Variants in RGS7 observed in about 807,000 individuals in gnomAD.
The protein encoded by RGS7 is regulator of G protein signaling 7, also known as regulator of G-protein signaling 7.
A neutral mutation model predicts 81.1 loss-of-function variants in RGS7; 27 were observed. The observed-to-expected ratio is 0.33, with a 90% CI of 0.25 to 0.46. The LOEUF (loss-of-function observed/expected upper bound fraction) is 0.46, where lower values mean the gene tolerates loss of function less well. RGS7 is among the 20% of genes least tolerant of loss of function. The pLI, the probability that RGS7 is intolerant of heterozygous loss-of-function variation, is 1.00. For synonymous variants in RGS7, 208 were observed against 207.7 expected (o/e 1.00, Z -0.01); for missense variants, 396 against 607.4 (o/e 0.65, Z 3.66).
intron 3 of RGS7, among the ~76,000 whole-genome samples, chr1:241,070,055 GGAT>G (rs1185899328): frequency 6.6e-6 from 1 of 152,164 alleles, no homozygotes; most frequent in Non-Finnish European, 1.5e-5. Flanking sequence ...CCTCTGCCTA[GGAT>G]GACACCTCAT....
At chr1:240,951,319 C>G (rs970371619) in intron 4 of RGS7, among the ~76,000 whole-genome samples, 4 of 152,012 alleles carry the variant, frequency 2.6e-5, no homozygotes, top group African/African-American at 9.7e-5. Flanking sequence ...TCGAATATGA[C>G]ACAGAAATTG....
intron 6 of RGS7, among the ~76,000 whole-genome samples, chr1:240,883,492 A>G (rs1449072257): frequency 1.3e-5 from 2 of 152,006 alleles, no homozygotes; most frequent in Non-Finnish European, 2.9e-5. Context: ...TCTCCTTTAA[A>G]CCTCACATTA....
intron 3 of RGS7, among the ~76,000 whole-genome samples, chr1:241,095,272 G>A (rs559166239): frequency 6.6e-6 from 1 of 152,240 alleles, no homozygotes; most frequent in East Asian, 1.9e-4. Context: ...ATCTGGGGGT[G>A]GGTCCAGATA....
At chr1:241,139,004 T>C (rs2067723402) in intron 2 of RGS7, among the ~76,000 whole-genome samples, 1 of 152,152 alleles carries the variant, frequency 6.6e-6, no homozygotes, top group Non-Finnish European at 1.5e-5. Context: ...GTCTCAAAAT[T>C]CTGTCACTAC....
At chr1:241,356,733 G>A (rs1359738012) in intron 1 of RGS7, among the ~76,000 whole-genome samples, 166 bp downstream of exon 1, 1 of 150,186 alleles carries the variant, frequency 6.7e-6, no homozygotes, top group African/African-American at 2.4e-5. Flanking sequence ...CGTGGACCGC[G>A]GGGTGCGCGC....
At chr1:240,895,002 T>C (rs544089272) in intron 6 of RGS7, among the ~76,000 whole-genome samples, 6 of 152,312 alleles carry the variant, frequency 3.9e-5, no homozygotes, top group South Asian at 2.1e-4. Context: ...GTTTGGACCA[T>C]GAGGATGGAA....
rs148452299 is a variant in RGS7 at position 240,861,318 on chromosome 1, G to A, written c.609+7269C>T. ...CTGCTTAAGCATTTTTATCCGTGAC[G>A]TCTTTGTTGAATGCTTGGCATGCAT... On this transcript the variant is annotated intron_variant, in intron 9 of 18. Coordinates refer to ENST00000440928, the MANE Select transcript of RGS7 (RefSeq NM_001364886.1). Among the ~76,000 whole-genome samples the A allele has an allele frequency of 7.3e-4, 111 of 152,174 alleles. 2 individuals are homozygous for A. In the East Asian group the frequency reaches 0.019, roughly 26 times the overall value.
At chr1:241,251,183 G>T (rs2148213301) in intron 2 of RGS7, among the ~76,000 whole-genome samples, 1 of 152,266 alleles carries the variant, frequency 6.6e-6, no homozygotes, top group East Asian at 1.9e-4. Flanking sequence ...ACTACCAGTG[G>T]CATAGATACA....
chr1:240,969,308 G>T (rs1682835463), intron 4 of RGS7, among the ~76,000 whole-genome samples: 1 of 152,186 alleles, frequency 6.6e-6, no homozygotes, highest in African/African-American at 2.4e-5. Context: ...CTAAAAAGAA[G>T]AAGAAAGCAA....
chr1:240,920,151 C>A, intron 6 of RGS7: 1 of 959,446 alleles, frequency 1.0e-6, no homozygotes, highest in Non-Finnish European at 1.7e-6. Context: ...TCAGAAATAC[C>A]ACACTGTGAA....
chr1:240,921,361 A>C (rs1417011542), intron 6 of RGS7, among the ~76,000 whole-genome samples: 2 of 152,166 alleles, frequency 1.3e-5, no homozygotes, highest in African/African-American at 4.8e-5. Flanking sequence ...TTCCCACTAA[A>C]ATAAGGAAAA....
rs1334968800 is a variant in RGS7 at position 241,220,976 on chromosome 1, AG to A, written c.79-122215del. Among the ~76,000 whole-genome samples the A allele has an allele frequency of 7.1e-3, 557 of 78,122 alleles. 12 individuals are homozygous for A. The highest frequency in any genetic ancestry group is 9.4e-3 in the African/African-American group (224 of 23,780). 51.3% of individuals were successfully genotyped at this position (78,122 alleles called of 152,430 possible). ...AAGGAAGGAAGGAAGGAAGGAAGGA[AG>A]GAAGGAAGGAAGGAAGGAAGAGAGA... On this transcript the variant is annotated intron_variant, in intron 2 of 18. Coordinates refer to ENST00000440928, the MANE Select transcript of RGS7 (RefSeq NM_001364886.1).
chr1:240,890,086 C>T (rs1174843049), intron 6 of RGS7, among the ~76,000 whole-genome samples: 3 of 152,114 alleles, frequency 2.0e-5, no homozygotes, highest in South Asian at 2.1e-4. Context: ...TCCTGCAAAA[C>T]GGAGCTTGTG....
intron 2 of RGS7, among the ~76,000 whole-genome samples, chr1:241,284,858 TG>T (rs199721825): frequency 1.4e-4 from 19 of 132,938 alleles, no homozygotes; most frequent in African/African-American, 3.1e-4. Context: ...TGTCTTTCTT[TG>T]TTTTTTTTTG....
At chr1:240,827,265 C>G (rs1332668825) in intron 9 of RGS7, 93 bp from the exon 10 acceptor site, 4 of 959,052 alleles carry the variant, frequency 4.2e-6, no homozygotes, top group Non-Finnish European at 6.8e-6. Context: ...AGAGCCCGAG[C>G]AAATGCCCCA....
chr1:240,811,797 A>G (rs1689897959), intron 14 of RGS7, 121 bp downstream of exon 14: 3 of 931,994 alleles, frequency 3.2e-6, no homozygotes, highest in Admixed American at 1.8e-5. Flanking sequence ...CAGAAATTCA[A>G]TGGGTTCATG....
chr1:240,827,879 A>AAAC (rs1558315772), intron 9 of RGS7, among the ~76,000 whole-genome samples: 1 of 151,188 alleles, frequency 6.6e-6, no homozygotes, highest in Non-Finnish European at 1.5e-5. Flanking sequence ...AAAAAAAAAA[A>AAAC]AAAAAAAAAC....
chr1:241,143,615 G>T (rs1377341545), intron 2 of RGS7, among the ~76,000 whole-genome samples: 1 of 152,154 alleles, frequency 6.6e-6, no homozygotes, highest in Non-Finnish European at 1.5e-5. Flanking sequence ...CTCACAACAT[G>T]TGGGAATTCA....
chr1:241,045,943 T>C (rs1003883729), intron 3 of RGS7, among the ~76,000 whole-genome samples: 5 of 152,158 alleles, frequency 3.3e-5, no homozygotes, highest in African/African-American at 7.2e-5. Context: ...CCCAGTAATA[T>C]GGGCCAGCTT....
Sources: allele counts gnomAD v4.1 joint callset (sites outside exome capture counted in the v4.1 genomes callset), GRCh38; gene constraint gnomAD v4.1.1; transcripts MANE v1.5; gene names NCBI Gene and HGNC (gene_info 2026-07-23, HGNC 2026-07-21).